SMG7: variants seen among roughly 807,000 people sequenced by gnomAD.
SMG7 encodes SMG7 nonsense mediated mRNA decay factor.
A neutral mutation model predicts 148.2 loss-of-function variants in SMG7; 34 were observed. That is an observed-to-expected ratio of 0.23 (90% CI 0.17 to 0.31). The LOEUF (loss-of-function observed/expected upper bound fraction) is 0.31, where lower values mean the gene tolerates loss of function less well. Among genes scored for constraint, SMG7 ranks in the 10% least tolerant of loss-of-function variants. The pLI is 1.00. For missense variants in SMG7, 1,114 were observed against 1,408.4 expected, an observed-to-expected ratio of 0.79 and a Z score of 3.35; for synonymous variants, 492 against 515.1, an observed-to-expected ratio of 0.96 and a Z score of 0.61.
chr1:183,498,055 A>G (rs1029202844), intron 1 of SMG7, among the ~76,000 whole-genome samples: 1 of 152,184 alleles, frequency 6.6e-6, no homozygotes, highest in Non-Finnish European at 1.5e-5. Context: ...GGAAGTAGAG[A>G]ATGTACTATT....
intron 1 of SMG7, among the ~76,000 whole-genome samples, chr1:183,499,828 A>G (rs1659353958): frequency 6.6e-6 from 1 of 152,042 alleles, no homozygotes; most frequent in Admixed American, 6.6e-5. Context: ...GTATCTACTC[A>G]TATTTTTGCT....
chr1:183,543,749 C>G (rs181303353), intron 14 of SMG7, among the ~76,000 whole-genome samples: 8 of 152,306 alleles, frequency 5.3e-5, no homozygotes, highest in Admixed American at 4.6e-4. Flanking sequence ...TTTTGCTCAA[C>G]TTTGAGCAGT....
intron 22 of SMG7, among the ~76,000 whole-genome samples, 150 bp from the exon 23 acceptor site, chr1:183,551,665 TATA>T: frequency 6.6e-6 from 1 of 152,186 alleles, no homozygotes; most frequent in Non-Finnish European, 1.5e-5. Flanking sequence ...TTAAGAGTCT[TATA>T]ATGACTTTTT....
At chr1:183,481,647 T>C (rs1486832966) in intron 1 of SMG7, among the ~76,000 whole-genome samples, 1 of 152,134 alleles carries the variant, frequency 6.6e-6, no homozygotes, top group Non-Finnish European at 1.5e-5. Flanking sequence ...ATACTTACTC[T>C]TTAGGATAGT....
rs1669032771 is a variant in SMG7, at chr1:183,542,408, A to G, written c.1748A>G (p.Asp583Gly). The change falls in exon 14 of 23, where the codon GAT (aspartate) becomes GGT (glycine). Residue 583 changes from aspartate to glycine, a missense_variant. Physicochemically the swap from Asp to Gly is moderately conservative, Grantham distance 94. Transcript: ENST00000688051. ...AAAGGAATAACTGTAACTAAGAATG[A>G]TGGAAAGAAGGACAACAACAAGAGG... The part of the protein sequence containing the change: ...YSKGITVTKN[D>G]GKKDNNKRKT... 1 of 1,613,940 alleles carries G rather than the reference A, an allele frequency of 6.2e-7. No individual in the cohort carries two copies.
In SMG7 at chr1:183,544,602, A is replaced by G. The variant is rs566049339; in HGVS notation, c.1987+105A>G. ...TGTTGGAGTAATGTTACTAAGCCAT[A>G]AAAAGTTCTATTTTCCCTAATACTT... On this transcript the variant is annotated intron_variant, in intron 15 of 22. Coordinates refer to ENST00000688051, the MANE Select transcript of SMG7 (RefSeq NM_001375584.1). The G allele has an allele frequency of 1.6e-5, 20 of 1,244,246 alleles. No homozygotes were observed. In the South Asian group the frequency reaches 2.6e-4, roughly 16 times the overall value. The allele number at this position is 1,244,246 out of a possible 1,614,324, so 77.1% of individuals were successfully genotyped here.
chr1:183,548,990 T>A, intron 18 of SMG7: 2 of 564,830 alleles, frequency 3.5e-6, no homozygotes, highest in South Asian at 4.4e-5. Context: ...AATCTCTGAC[T>A]AGGTTTGATC....
In SMG7 at chr1:183,472,674, C is replaced by G. The variant is rs1206099463; in HGVS notation, c.29+25C>G. ...GGTGAGTGCCGAGGCCGGGCTGGTA[C>G]GTAGGGGGAGCGGGCCGCAGGTTGG... On this transcript the variant is annotated intron_variant, in intron 1 of 22. Coordinates refer to ENST00000688051, the MANE Select transcript of SMG7 (RefSeq NM_001375584.1). The G allele has an allele frequency of 4.8e-6, 7 of 1,458,140 alleles. No homozygotes were observed. The South Asian group carries it at 8.1e-5, about 17-fold the overall frequency. 90.3% of individuals were successfully genotyped at this position (1,458,140 alleles called of 1,614,324 possible).
intron 13 of SMG7, 72 bp downstream of exon 13, chr1:183,541,175 C>CAT: frequency 8.4e-6 from 11 of 1,308,260 alleles, no homozygotes; most frequent in Non-Finnish European, 1.2e-5. Flanking sequence ...CACACGCGCG[C>CAT]GCACACACAC....
chr1:183,537,387 C>G (rs1667984565), intron 11 of SMG7, among the ~76,000 whole-genome samples, 172 bp downstream of exon 11: 1 of 152,100 alleles, frequency 6.6e-6, no homozygotes, highest in African/African-American at 2.4e-5. Flanking sequence ...AATGTTCTCC[C>G]AGTTCTTCTG....
In SMG7 at chr1:183,526,712, G is replaced by T. The variant is rs1166742006; in HGVS notation, c.429G>T (p.Gln143His). ...QTHTSAIVKP[Q>H]SSSCSYICQH... ...ATACCAGCGCCATAGTGAAGCCACA[G>T]TCTAGCTCCTGTTCCTATATCTGCC... is the stretch of plus-strand genomic sequence containing the variant. The change falls in exon 5 of 23, where the codon CAG becomes CAT. Residue 143 changes from glutamine (Q) to histidine (H), a missense_variant. Around this residue, in one of 4 missense-constraint regions of SMG7, gnomAD observed 216 missense variants for 329.1 expected, o/e 0.66. Coordinates refer to ENST00000688051, the MANE Select transcript of SMG7 (RefSeq NM_001375584.1). 1.9e-6 allele frequency: 3 copies of T among 1,613,838 alleles called. No homozygotes were observed. In the South Asian group the frequency reaches 3.3e-5, roughly 18 times the overall value.
chr1:183,522,268 TTA>T (rs1230877814), intron 4 of SMG7, among the ~76,000 whole-genome samples: 2 of 152,134 alleles, frequency 1.3e-5, no homozygotes, highest in Admixed American at 1.3e-4. Flanking sequence ...CATAAAAATT[TTA>T]TGATTATAGT....
chr1:183,495,470 C>A (rs894405316), intron 1 of SMG7, among the ~76,000 whole-genome samples: 3 of 152,162 alleles, frequency 2.0e-5, no homozygotes, highest in Non-Finnish European at 4.4e-5. Flanking sequence ...CTAGAGAGAA[C>A]TCCTGGGAAA....
At chr1:183,480,126 A>G (rs1426541446) in intron 1 of SMG7, among the ~76,000 whole-genome samples, 1 of 152,190 alleles carries the variant, frequency 6.6e-6, no homozygotes, top group African/African-American at 2.4e-5. Context: ...AGGATCCTAC[A>G]GAATCCCTTC....
chr1:183,545,833 A>G, intron 16 of SMG7, 133 bp from the exon 17 acceptor site: 1 of 1,002,530 alleles, frequency 1.0e-6, no homozygotes, highest in Non-Finnish European at 1.5e-6. Flanking sequence ...CCCAAAAGGT[A>G]AAGGAAACTG....
intron 1 of SMG7, chr1:183,508,210 T>C (rs1053943437): frequency 3.7e-5 from 30 of 812,054 alleles, no homozygotes; most frequent in Non-Finnish European, 4.2e-5. Context: ...TCTTCTTCTT[T>C]GGAGACAAAG....
Position 183,550,783 on chromosome 1 carries a change from T to A in SMG7, c.3166T>A (p.Ser1056Thr). ...AACACCAGCCAGCCAGTCTCCTCATTCCTCTAACCCAAGCAGCCTACCCAG... is the reference window on the plus strand; with the variant it reads ...AACACCAGCCAGCCAGTCTCCTCATACCTCTAACCCAAGCAGCCTACCCAG... ...HSTPASQSPH[S>T]SNPSSLPSSP... is the part of the protein sequence containing the mutation. The change falls in exon 21 of 23, where the codon TCC becomes ACC. Residue 1056 changes from serine (S) to threonine (T), a missense_variant. Coordinates refer to ENST00000688051, the MANE Select transcript of SMG7 (RefSeq NM_001375584.1). The A allele has an allele frequency of 6.2e-7, 1 of 1,614,068 alleles. No individual in the cohort carries two copies.
chr1:183,552,918 A>G lies in SMG7; in HGVS notation c.*987A>G. 6.0e-6 allele frequency: 9 copies of G among 1,509,616 alleles called. No individual in the cohort carries two copies. The highest frequency in any genetic ancestry group is 1.2e-5 in the South Asian group (1 of 81,722). The allele number at this position is 1,509,616 out of a possible 1,614,324, so 93.5% of individuals were successfully genotyped here. ...CCATCTCCATCCCTTCTTTTACCCAATGCTGTATGCTAGTAATTGTTTTTA... is the reference window on the plus strand; with the variant it reads ...CCATCTCCATCCCTTCTTTTACCCAGTGCTGTATGCTAGTAATTGTTTTTA... On this transcript the variant is annotated 3_prime_UTR_variant, in exon 23 of 23. Transcript: ENST00000688051.
chr1:183,494,467 C>T (rs1185494428), intron 1 of SMG7, among the ~76,000 whole-genome samples: 3 of 150,050 alleles, frequency 2.0e-5, no homozygotes, highest in Admixed American at 2.0e-4. Flanking sequence ...CTATTTCTGG[C>T]ACTCGTCATC....
Sources: allele counts gnomAD v4.1 joint callset (sites outside exome capture counted in the v4.1 genomes callset), GRCh38; gene constraint gnomAD v4.1.1; regional missense constraint gnomAD v4.1.1; transcripts MANE v1.5; gene names NCBI Gene and HGNC (gene_info 2026-07-23, HGNC 2026-07-21).